CDH4: variants seen among roughly 807,000 people sequenced by gnomAD.
CDH4 encodes cadherin 4.
CDH4 carries 33 observed loss-of-function variants against 86.0 expected under a neutral mutation model. The observed-to-expected ratio is 0.38, with a 90% CI of 0.29 to 0.51. The LOEUF is 0.51. Among genes scored for constraint, CDH4 ranks in the 20% least tolerant of loss-of-function variants. The probability of loss-of-function intolerance (pLI) is 0.86; values close to 1 mark genes in which losing one functional copy is unlikely to be tolerated. For missense variants in CDH4, 1,114 were observed against 1,307.4 expected, an observed-to-expected ratio of 0.85 and a Z score of 2.28; for synonymous variants, 555 against 549.4, an observed-to-expected ratio of 1.01 and a Z score of -0.14.
At chr20:61,526,585 T>C (rs1437480772) in intron 2 of CDH4, among the ~76,000 whole-genome samples, 1 of 151,474 alleles carries the variant, frequency 6.6e-6, no homozygotes, top group Non-Finnish European at 1.5e-5. Context: ...GCCATGCTGG[T>C]GTGCTGCACC....
rs754772940 is a variant in CDH4 at position 61,928,366 on chromosome 20, G to A, written c.1948G>A (p.Glu650Lys). ...VDPNIGPYVF[E>K]LPFVPAAVRK... ...CCCCAACATCGGCCCCTACGTCTTCGAGCTGCCCTTTGTCCCGGCGGCCGT... is the reference window on the plus strand; with the variant it reads ...CCCCAACATCGGCCCCTACGTCTTCAAGCTGCCCTTTGTCCCGGCGGCCGT... Residue 650 changes from glutamate to lysine, a missense_variant, in exon 12 of 16, where the codon GAG (glutamate) becomes AAG (lysine). Transcript: ENST00000614565. The A allele has an allele frequency of 1.7e-5, 28 of 1,611,730 alleles. No individual in the cohort carries two copies. Among genetic ancestry groups the A allele is most frequent in the Admixed American group, 1.3e-4 (8 of 60,010 alleles).
At chr20:61,445,557 C>T (rs533061454) in intron 2 of CDH4, among the ~76,000 whole-genome samples, 1 of 152,100 alleles carries the variant, frequency 6.6e-6, no homozygotes, top group Non-Finnish European at 1.5e-5. Context: ...CCGGCCCCTC[C>T]TCCCCCTCTC....
intron 2 of CDH4, among the ~76,000 whole-genome samples, chr20:61,332,075 C>T (rs1415926718): frequency 6.6e-6 from 1 of 152,192 alleles, no homozygotes; most frequent in Non-Finnish European, 1.5e-5. Flanking sequence ...GAGGCTGGCT[C>T]CTGGCTGAGA....
At chr20:61,798,408 G>A (rs1312669448) in intron 4 of CDH4, among the ~76,000 whole-genome samples, 3 of 152,212 alleles carry the variant, frequency 2.0e-5, no homozygotes, top group African/African-American at 4.8e-5. Context: ...CGGACCCTCC[G>A]CTCCTTTCCT....
At chr20:61,620,348 A>G (rs546494850) in intron 2 of CDH4, among the ~76,000 whole-genome samples, 2 of 150,974 alleles carry the variant, frequency 1.3e-5, no homozygotes, top group East Asian at 1.9e-4. Flanking sequence ...GGATGGATAG[A>G]TAGATGATGA....
chr20:61,914,310 A>G (rs771333119), intron 9 of CDH4, among the ~76,000 whole-genome samples: 6 of 152,188 alleles, frequency 3.9e-5, no homozygotes, highest in Non-Finnish European at 5.9e-5. Flanking sequence ...ACTGAGCACT[A>G]AGCAGAGCCT....
chr20:61,499,621 C>A (rs1370014464), intron 2 of CDH4: 5 of 814,854 alleles, frequency 6.1e-6, no homozygotes, highest in Non-Finnish European at 8.6e-6. Context: ...AGAATTTAGA[C>A]CTCAGCCTGC....
Position 61,797,086 on chromosome 20 carries a change from C to A in CDH4, c.576+23904C>A, listed in dbSNP as rs74865841. On this transcript the variant is annotated intron_variant, in intron 4 of 15. Coordinates refer to ENST00000614565, the MANE Select transcript of CDH4 (RefSeq NM_001794.5). ...TCTGAAGGCTGGGACAGGAAGAGCC[C>A]CCCCCCCCCCAACACTGGCCAGCTC... Among the ~76,000 whole-genome samples, 3 of 15,916 alleles carry A rather than the reference C, an allele frequency of 1.9e-4. No homozygotes were observed. In the African/African-American group the frequency reaches 2.4e-3, roughly 13 times the overall value. The allele number at this position is 15,916 out of a possible 152,430, so 10.4% of individuals were successfully genotyped here.
chr20:61,306,021 C>G (rs2084415379), intron 2 of CDH4, among the ~76,000 whole-genome samples: 1 of 152,176 alleles, frequency 6.6e-6, no homozygotes, highest in South Asian at 2.1e-4. Context: ...ATGGCACAGC[C>G]AGGCCCTCAA....
intron 2 of CDH4, among the ~76,000 whole-genome samples, chr20:61,673,821 A>G (rs1319457414): frequency 6.6e-6 from 1 of 152,248 alleles, no homozygotes; most frequent in African/African-American, 2.4e-5. Context: ...TAAGGGGGAA[A>G]TAAAAATCAC....
At chr20:61,566,760 G>A (rs2086300967) in intron 2 of CDH4, among the ~76,000 whole-genome samples, 1 of 152,192 alleles carries the variant, frequency 6.6e-6, no homozygotes. Flanking sequence ...GAACTGAGCA[G>A]GGCCGATTCT....
chr20:61,922,342 G>C (rs1169554328), intron 9 of CDH4, among the ~76,000 whole-genome samples: 1 of 152,190 alleles, frequency 6.6e-6, no homozygotes, highest in Admixed American at 6.5e-5. Flanking sequence ...TGTAGGAAAG[G>C]CTTGAGCGAA....
At chr20:61,414,030 T>G (rs2085133906) in intron 2 of CDH4, among the ~76,000 whole-genome samples, 1 of 152,226 alleles carries the variant, frequency 6.6e-6, no homozygotes, top group Admixed American at 6.5e-5. Context: ...GTTGTGCCTC[T>G]GTGTGTGTCA....
intron 6 of CDH4, among the ~76,000 whole-genome samples, chr20:61,858,475 CTG>C (rs546801918): frequency 7.9e-4 from 118 of 148,524 alleles, no homozygotes; most frequent in African/African-American, 2.6e-3. Context: ...GTCTCTGTGT[CTG>C]TGTCTCTGTG....
At chr20:61,700,687 T>C (rs1265743323) in intron 2 of CDH4, among the ~76,000 whole-genome samples, 1 of 152,182 alleles carries the variant, frequency 6.6e-6, no homozygotes, top group African/African-American at 2.4e-5. Flanking sequence ...ACGGCCTCCC[T>C]GTGGGGCCAC....
chr20:61,512,298 G>A (rs1409292088), intron 2 of CDH4, among the ~76,000 whole-genome samples: 1 of 152,132 alleles, frequency 6.6e-6, no homozygotes, highest in East Asian at 1.9e-4. Context: ...TGTGAGTGTG[G>A]CCCTCAAAGA....
intron 2 of CDH4, chr20:61,717,823 C>G (rs1351816266): frequency 7.5e-6 from 1 of 132,474 alleles, no homozygotes. Context: ...CGCCCTGCCC[C>G]CCGCCCCCAG....
chr20:61,415,728 C>A (rs2085143365), intron 2 of CDH4, among the ~76,000 whole-genome samples: 2 of 152,034 alleles, frequency 1.3e-5, no homozygotes, highest in South Asian at 4.1e-4. Flanking sequence ...TAGACTGAGT[C>A]TTACTCTGTC....
At chr20:61,570,562 C>A (rs1568691372) in intron 2 of CDH4, 2 of 662,822 alleles carry the variant, frequency 3.0e-6, no homozygotes, top group Non-Finnish European at 5.5e-6. Context: ...CAAGCGTTGA[C>A]TTTTGTGGCT....
Sources: gnomAD v4.1 joint callset for allele counts (sites outside exome capture counted in the v4.1 genomes callset) on GRCh38, gnomAD v4.1.1 for gene constraint, MANE v1.5 for transcripts, NCBI Gene and HGNC (gene_info 2026-07-23, HGNC 2026-07-21) for gene names.